MLLT10: variants seen among roughly 807,000 people sequenced by gnomAD.
MLLT10 encodes the protein protein AF-10.
MLLT10 carries 30 observed loss-of-function variants against 129.1 expected under a neutral mutation model. The ratio of observed to expected loss-of-function variants is 0.23; its 90% CI spans 0.17 to 0.32. The LOEUF is 0.32. Among genes scored for constraint, MLLT10 ranks in the 10% least tolerant of loss-of-function variants. MLLT10 has a pLI of 1.00. For synonymous variants in MLLT10, 490 were observed against 446.4 expected, an observed-to-expected ratio of 1.10 and a Z score of -1.23; for missense variants, 1,119 against 1,268.3, an observed-to-expected ratio of 0.88 and a Z score of 1.79.
At chr10:21,534,870 G>A (rs2033544625) in intron 2 of MLLT10, 66 bp downstream of exon 2, 3 of 1,140,164 alleles carry the variant, frequency 2.6e-6, no homozygotes, top group Admixed American at 4.9e-5. Flanking sequence ...GCCCCCACCT[G>A]GGCCGCAACC....
rs770912723 is a variant in MLLT10 at position 21,733,489 on chromosome 10, C to G, written c.2408-15C>G. Reference sequence around the variant, plus strand: ...ATAGGGTAAATAGGTTTCTTTTTGTCTTTTATTATTCTAGCTCCTACTACT... The same window carrying G: ...ATAGGGTAAATAGGTTTCTTTTTGTGTTTTATTATTCTAGCTCCTACTACT... On this transcript the variant is annotated splice_polypyrimidine_tract_variant and intron_variant, in intron 18 of 22. Transcript: ENST00000307729. The G allele has an allele frequency of 2.7e-6, 4 of 1,459,448 alleles. No homozygotes were observed. Among genetic ancestry groups the G allele is most frequent in the Non-Finnish European group, 3.6e-6 (4 of 1,097,428 alleles). The allele number at this position is 1,459,448 out of a possible 1,614,324, so 90.4% of individuals were successfully genotyped here.
At chr10:21,649,553 AT>A (rs1242619005) in intron 8 of MLLT10, among the ~76,000 whole-genome samples, 2 of 152,202 alleles carry the variant, frequency 1.3e-5, no homozygotes, top group Admixed American at 1.3e-4. Context: ...GGGTTTACTC[AT>A]GAGGATTCAT....
rs1307906939 is a variant in MLLT10 at position 21,682,239 on chromosome 10, C to T, written c.1681C>T (p.Leu561=). Residue 561 remains leucine (L), a synonymous_variant, in exon 13 of 23, where the codon CTG becomes TTG. Coordinates refer to ENST00000307729, the MANE Select transcript of MLLT10 (RefSeq NM_001195626.3). The part of the protein sequence containing the change: ...ACPTTTFSEL[L]NAIHNGIYNS... ...TTACTTAAAAGCGTTCTCAGAGTTG[C>T]TGAATGCAATACACAACGGTAAGTT... 1 of 1,611,016 alleles carries T rather than the reference C, an allele frequency of 6.2e-7. No individual in the cohort carries two copies. The highest frequency in any genetic ancestry group is 8.5e-7 in the Non-Finnish European group (1 of 1,178,896).
chr10:21,551,800 CTTTT>C (rs747938797), intron 3 of MLLT10: 4 of 347,096 alleles, frequency 1.2e-5, no homozygotes, highest in Admixed American at 3.7e-5. Flanking sequence ...GTCTCTCTCT[CTTTT>C]TTTTTTTTTA....
chr10:21,570,408 TAAAAGAG>T (rs2040078418), intron 3 of MLLT10, among the ~76,000 whole-genome samples: 1 of 152,174 alleles, frequency 6.6e-6, no homozygotes, highest in African/African-American at 2.4e-5. Flanking sequence ...GATAGTTCAT[TAAAAGAG>T]TGCCCTGTTA....
chr10:21,591,617 CT>C (rs1311578169), intron 4 of MLLT10, among the ~76,000 whole-genome samples: 26 of 152,088 alleles, frequency 1.7e-4, no homozygotes, highest in African/African-American at 5.8e-4. Flanking sequence ...TTGGCCATAT[CT>C]CTTCCTATAT....
intron 13 of MLLT10, among the ~76,000 whole-genome samples, chr10:21,689,661 ATTT>A (rs58409865): frequency 2.3e-5 from 3 of 132,366 alleles, no homozygotes; most frequent in African/African-American, 8.8e-5. Context: ...ATATATATAT[ATTT>A]TTTTTTTCTT....
At chr10:21,607,642 T>G (rs1236620657) in intron 5 of MLLT10, among the ~76,000 whole-genome samples, 1 of 152,190 alleles carries the variant, frequency 6.6e-6, no homozygotes. Flanking sequence ...CATTATAGCT[T>G]TGTCCTAATC....
At chr10:21,570,864 A>T (rs192505285) in intron 3 of MLLT10, among the ~76,000 whole-genome samples, 1 of 151,984 alleles carries the variant, frequency 6.6e-6, no homozygotes, top group East Asian at 1.9e-4. Context: ...TCCTGCTTCT[A>T]TGTAAGTCTT....
At chr10:21,686,783 A>G (rs1162639711) in intron 13 of MLLT10, among the ~76,000 whole-genome samples, 2 of 152,122 alleles carry the variant, frequency 1.3e-5, no homozygotes, top group Admixed American at 1.3e-4. Context: ...GGAGTTTGAG[A>G]CCAGCCTGCT....
At chr10:21,664,740 A>G (rs548871820) in intron 9 of MLLT10, among the ~76,000 whole-genome samples, 1 of 152,136 alleles carries the variant, frequency 6.6e-6, no homozygotes, top group African/African-American at 2.4e-5. Context: ...AGCGGTGGGT[A>G]TTAGGTGCAG....
chr10:21,740,361 G>C, intron 22 of MLLT10, 125 bp downstream of exon 22: 1 of 1,050,604 alleles, frequency 9.5e-7, no homozygotes, highest in Non-Finnish European at 1.4e-6. Context: ...GCTTTTAGCA[G>C]ATGGATATTA....
chr10:21,643,994 A>G (rs775483871), intron 8 of MLLT10, among the ~76,000 whole-genome samples: 40 of 152,124 alleles, frequency 2.6e-4, no homozygotes, highest in Non-Finnish European at 4.3e-4. Context: ...CACTTTAACA[A>G]TTCTTGGCAA....
At chr10:21,723,215 T>C (rs911793580) in intron 14 of MLLT10, among the ~76,000 whole-genome samples, 8 of 152,180 alleles carry the variant, frequency 5.3e-5, no homozygotes, top group Non-Finnish European at 1.2e-4. Flanking sequence ...CCATACTCCT[T>C]TCTATTTTGA....
At chr10:21,573,200 C>T (rs1257576824) in intron 3 of MLLT10, among the ~76,000 whole-genome samples, 1 of 152,204 alleles carries the variant, frequency 6.6e-6, no homozygotes, top group South Asian at 2.1e-4. Flanking sequence ...TGGACTTAAT[C>T]TTGTTTTCAT....
At chr10:21,624,990 C>T in intron 8 of MLLT10, 2 of 1,130,350 alleles carry the variant, frequency 1.8e-6, no homozygotes, top group South Asian at 3.0e-5. Context: ...TCCTCCTCTT[C>T]CTCTTACTGC....
At chr10:21,724,857 G>A (rs532171507) in intron 14 of MLLT10, among the ~76,000 whole-genome samples, 1 of 152,312 alleles carries the variant, frequency 6.6e-6, no homozygotes, top group East Asian at 1.9e-4. Flanking sequence ...TCGCTTGTTT[G>A]GCACAGGTCC....
chr10:21,591,063 CTGT>C (rs2042443673), intron 4 of MLLT10, among the ~76,000 whole-genome samples: 1 of 151,644 alleles, frequency 6.6e-6, no homozygotes, highest in Non-Finnish European at 1.5e-5. Context: ...TTTGTTTTTG[CTGT>C]TGTTGTTTTG....
intron 8 of MLLT10, among the ~76,000 whole-genome samples, chr10:21,641,485 T>C (rs1488954680): frequency 1.3e-5 from 2 of 152,168 alleles, no homozygotes; most frequent in African/African-American, 2.4e-5. Context: ...CCTGTCTGTA[T>C]AGAAGAACAA....
Sources: allele counts gnomAD v4.1 joint callset (sites outside exome capture counted in the v4.1 genomes callset), GRCh38; gene constraint gnomAD v4.1.1; transcripts MANE v1.5; gene names NCBI Gene and HGNC (gene_info 2026-07-23, HGNC 2026-07-21).